Variants in BRWD1 observed in about 807,000 individuals in gnomAD.
BRWD1 encodes bromodomain and WD repeat-containing protein 1.
A neutral mutation model predicts 251.2 loss-of-function variants in BRWD1; 82 were observed. The observed-to-expected ratio is 0.33, with a 90% confidence interval of 0.27 to 0.39. The LOEUF (loss-of-function observed/expected upper bound fraction) is 0.39, where lower values mean the gene tolerates loss of function less well. Ranked by LOEUF, BRWD1 falls within the 10% of genes least tolerant of loss-of-function variation. BRWD1 has a pLI of 1.00. For synonymous variants in BRWD1, 918 were observed against 902.8 expected, an observed-to-expected ratio of 1.02 and a Z score of -0.30; for missense variants, 2,233 against 2,711.6, an observed-to-expected ratio of 0.82 and a Z score of 3.92.
At position 39,195,341 on chromosome 21, in the gene BRWD1, T is replaced by G. The variant is rs1404184880; in HGVS notation, c.*918A>C. 3 of 997,960 alleles carry G rather than the reference T, an allele frequency of 3.0e-6. No individual in the cohort carries two copies. Among genetic ancestry groups the G allele is most frequent in the South Asian group, 9.0e-5 (2 of 22,328 alleles). 61.8% of individuals were successfully genotyped at this position (997,960 alleles called of 1,614,324 possible). On this transcript the variant is annotated 3_prime_UTR_variant, in exon 41 of 41. Coordinates refer to ENST00000342449, the MANE Select transcript of BRWD1 (RefSeq NM_033656.4). The stretch of plus-strand genomic sequence containing the variant: ...CTACATATTAACTTAAATACTCTTT[T>G]AGCCCTGTACACTCTATTAAAGAAC...
At chr21:39,255,441 G>A (rs770771164) in intron 19 of BRWD1, among the ~76,000 whole-genome samples, 2 of 151,720 alleles carry the variant, frequency 1.3e-5, no homozygotes, top group Non-Finnish European at 2.9e-5. Flanking sequence ...AAGCAAGACT[G>A]GCTCTGAAAA....
rs530836818 is a variant in BRWD1 at position 39,205,222 on chromosome 21, C to T, written c.4364+886G>A. Among the ~76,000 whole-genome samples the T allele has an allele frequency of 7.9e-5, 12 of 152,222 alleles. No homozygotes were observed. In the East Asian group the frequency reaches 1.9e-3, roughly 25 times the overall value. The stretch of plus-strand genomic sequence containing the variant: ...GGCGCAGTGGCTCACGCCTGTAATC[C>T]CAACATATTGGGAGGCCAAGGTGGA... On this transcript the variant is annotated intron_variant, in intron 37 of 40. Coordinates refer to ENST00000342449, the MANE Select transcript of BRWD1 (RefSeq NM_033656.4).
At chr21:39,270,118 C>T (rs1417394761) in intron 14 of BRWD1, 85 bp from the exon 15 acceptor site, 3 of 1,281,886 alleles carry the variant, frequency 2.3e-6, no homozygotes, top group Non-Finnish European at 3.1e-6. Context: ...ACAGCATATA[C>T]TTTTAGAAAT....
chr21:39,297,059 T>C, intron 5 of BRWD1: 12 of 985,362 alleles, frequency 1.2e-5, no homozygotes, highest in Non-Finnish European at 1.4e-5. Context: ...ATACGTAGGA[T>C]CTGTGACTCT....
At chr21:39,275,477 C>T (rs2035250876) in intron 12 of BRWD1, among the ~76,000 whole-genome samples, 1 of 152,022 alleles carries the variant, frequency 6.6e-6, no homozygotes, top group Non-Finnish European at 1.5e-5. Flanking sequence ...TGTGTTCTTC[C>T]CCCAACCCCT....
chr21:39,310,972 G>A (rs1034564994), intron 4 of BRWD1, among the ~76,000 whole-genome samples: 1 of 152,028 alleles, frequency 6.6e-6, no homozygotes. Flanking sequence ...ACTCAGTCCT[G>A]GGGGACTGGA....
rs747862867 is a variant in BRWD1, at chr21:39,238,603, G to A, written c.2482-30C>T. ...TTTGTGAAGGGGGGAAAAAAATCTT[G>A]ATCCCTGAAGTTAAACAACACATGT... is the stretch of plus-strand genomic sequence containing the variant. On this transcript the variant is annotated intron_variant, in intron 21 of 40. Coordinates refer to ENST00000342449, the MANE Select transcript of BRWD1 (RefSeq NM_033656.4). 3 of 1,486,878 alleles carry A rather than the reference G, an allele frequency of 2.0e-6. 1 individual carries two copies. In the South Asian group the frequency reaches 3.4e-5, roughly 17 times the overall value. The allele number at this position is 1,486,878 out of a possible 1,614,324, so 92.1% of individuals were successfully genotyped here. A position where few individuals can be genotyped will look rare whatever the true frequency, so the allele number is the denominator to read the frequency against.
At chr21:39,317,584 TC>T (rs2036711283), upstream of BRWD1, among the ~76,000 whole-genome samples, 1 of 152,230 alleles carries the variant, frequency 6.6e-6, no homozygotes, top group Admixed American at 6.5e-5. Flanking sequence ...AAGTCCATTC[TC>T]CCTTGGCCAC....
At chr21:39,293,187 T>C (rs1295291640) in intron 8 of BRWD1, among the ~76,000 whole-genome samples, 1 of 152,206 alleles carries the variant, frequency 6.6e-6, no homozygotes, top group Non-Finnish European at 1.5e-5. Context: ...AAAAAAACTT[T>C]AAATATTTTG....
chr21:39,287,815 GT>G (rs1214486998), intron 8 of BRWD1, among the ~76,000 whole-genome samples: 1 of 152,084 alleles, frequency 6.6e-6, no homozygotes, highest in Non-Finnish European at 1.5e-5. Flanking sequence ...AAATACACTT[GT>G]GATCACTGAA....
intron 8 of BRWD1, among the ~76,000 whole-genome samples, chr21:39,291,167 T>C (rs1394297920): frequency 6.6e-6 from 1 of 152,168 alleles, no homozygotes; most frequent in East Asian, 1.9e-4. Flanking sequence ...CCAAAATAGC[T>C]ACTCACTCTC....
intron 13 of BRWD1, among the ~76,000 whole-genome samples, chr21:39,271,209 T>C (rs2035088479): frequency 6.6e-6 from 1 of 151,982 alleles, no homozygotes. Context: ...GGAGAATCAT[T>C]GGAACCTGGG....
Position 39,312,839 on chromosome 21 carries a change from A to T in BRWD1, c.198+2T>A. 1 of 1,572,856 alleles carries T rather than the reference A, an allele frequency of 6.4e-7. No individual in the cohort carries two copies. Among genetic ancestry groups the T allele is most frequent in the Admixed American group, 1.7e-5 (1 of 57,592 alleles). On this transcript the variant is annotated splice_donor_variant, in intron 4 of 40. Coordinates refer to ENST00000342449, the MANE Select transcript of BRWD1 (RefSeq NM_033656.4). LOFTEE classifies it high-confidence loss of function. The stretch of plus-strand genomic sequence containing the variant: ...CGGGGAGCAAACGTGCCCAATGCTC[A>T]CCAACTCCTCGTAGCTCCTGTTGTG...
chr21:39,191,871 T>C lies in BRWD1; in HGVS notation c.*4388A>G, dbSNP rs1186426640. 4.1e-6 allele frequency: 4 copies of C among 984,306 alleles called. No homozygotes were observed. Among genetic ancestry groups the C allele is most frequent in the Non-Finnish European group, 4.8e-6 (4 of 828,982 alleles). 61.0% of individuals were successfully genotyped at this position (984,306 alleles called of 1,614,324 possible). ...GAAAAAACTTACCTTAAAACTGACA[T>C]AACTAAAATATGACCAGAAAGTATA... is the stretch of plus-strand genomic sequence containing the variant. On this transcript the variant is annotated 3_prime_UTR_variant, in exon 41 of 41. Transcript: ENST00000342449.
intron 38 of BRWD1, chr21:39,200,632 T>G: frequency 1.5e-5 from 4 of 275,650 alleles, no homozygotes; most frequent in Non-Finnish European, 6.7e-6. Flanking sequence ...AGATTAATCC[T>G]AGTGTAGATT....
intron 8 of BRWD1, among the ~76,000 whole-genome samples, chr21:39,292,132 TG>T (rs1182694435): frequency 0.071 from 880 of 12,364 alleles, 29 homozygotes; most frequent in African/African-American, 0.16. Flanking sequence ...TGGGTGGGGG[TG>T]GGGGGGGGGG....
intron 20 of BRWD1, 112 bp from the exon 21 acceptor site, chr21:39,247,944 G>A: frequency 1.6e-6 from 2 of 1,240,304 alleles, no homozygotes; most frequent in Non-Finnish European, 2.1e-6. Flanking sequence ...AAGAAAAAAA[G>A]GCTTAAAAAG....
At chr21:39,220,329 A>C (rs945640652) in intron 29 of BRWD1, among the ~76,000 whole-genome samples, 9 of 152,270 alleles carry the variant, frequency 5.9e-5, no homozygotes, top group African/African-American at 2.2e-4. Context: ...CTGTTCCCTC[A>C]GCCAGACTGA....
upstream of BRWD1, among the ~76,000 whole-genome samples, chr21:39,317,573 A>G (rs543413808): frequency 1.3e-5 from 2 of 152,376 alleles, no homozygotes; most frequent in Admixed American, 6.5e-5. Context: ...CAAACACTGC[A>G]AAGTCCATTC....
Sources: gnomAD v4.1 joint callset for allele counts (sites outside exome capture counted in the v4.1 genomes callset) on GRCh38, gnomAD v4.1.1 for gene constraint, MANE v1.5 for transcripts, NCBI Gene and HGNC (gene_info 2026-07-23, HGNC 2026-07-21) for gene names.